Variants in NSMF observed in about 807,000 individuals in gnomAD.
NSMF encodes the protein nasal embryonic LHRH factor.
NSMF carries 31 observed loss-of-function variants against 71.0 expected under a neutral mutation model. The observed-to-expected ratio is 0.44, with a 90% CI of 0.33 to 0.59. The LOEUF (loss-of-function observed/expected upper bound fraction) is 0.59, where lower values mean the gene tolerates loss of function less well. Among genes scored for constraint, NSMF ranks in the 20% least tolerant of loss-of-function variants. NSMF has a pLI of 0.04. For synonymous variants in NSMF, 345 were observed against 287.1 expected (o/e 1.20, Z -2.04); for missense variants, 673 against 740.5 (o/e 0.91, Z 1.06).
At chr9:137,452,986 C>T (rs907863783) in intron 9 of NSMF, 70 bp downstream of exon 9, 1 of 1,605,934 alleles carries the variant, frequency 6.2e-7, no homozygotes, top group Non-Finnish European at 8.5e-7. Flanking sequence ...CCAGGCAGAG[C>T]TGGCTGGACT....
Position 137,457,389 on chromosome 9 carries a change from C to G in NSMF, c.628+18G>C, listed in dbSNP as rs746205008. ...ATGCACCCCCAAACCTGTCTATGCC[C>G]TGACACAAACCCCTCACCAGACACA... On this transcript the variant is annotated intron_variant, in intron 3 of 15. Coordinates refer to ENST00000371475, the MANE Select transcript of NSMF (RefSeq NM_001130969.3). The G allele has an allele frequency of 6.2e-7, 1 of 1,612,882 alleles. No individual in the cohort carries two copies. Among genetic ancestry groups the G allele is most frequent in the Non-Finnish European group, 8.5e-7 (1 of 1,179,984 alleles).
At position 137,452,598 on chromosome 9, in the gene NSMF, C is replaced by G. The variant is rs373282065; in HGVS notation, c.1132-12G>C. ...GCGTGCTCATGGTCCTGGGGACAGA[C>G]ACAGGCCACAAGGCCACATCAAGGC... On this transcript the variant is annotated splice_polypyrimidine_tract_variant and intron_variant, in intron 10 of 15. Coordinates refer to ENST00000371475, the MANE Select transcript of NSMF (RefSeq NM_001130969.3). 4 of 1,612,424 alleles carry G rather than the reference C, an allele frequency of 2.5e-6. No individual in the cohort carries two copies. In the African/African-American group the frequency reaches 5.3e-5, roughly 22 times the overall value.
Position 137,455,268 on chromosome 9 carries a change from C to G in NSMF, c.750G>C (p.Arg250=). Residue 250 remains arginine (R), a synonymous_variant, in exon 6 of 16, where the codon CGG becomes CGC. Transcript: ENST00000371475. ...GGATTACAGACGCGGAATCATTCTC[C>G]CGTTTCCGGCGCTTCCTCTCCGCGT... ...RGYAERKRRK[R]ENDSASVIQR... is the part of the protein sequence containing the mutation. 6.2e-7 allele frequency: 1 copy of G among 1,612,822 alleles called. No individual in the cohort carries two copies. Among genetic ancestry groups the G allele is most frequent in the Non-Finnish European group, 8.5e-7 (1 of 1,179,922 alleles).
In NSMF at chr9:137,452,609, A is replaced by C. The variant is rs745385451; in HGVS notation, c.1132-23T>G. 5 of 1,611,938 alleles carry C rather than the reference A, an allele frequency of 3.1e-6. No homozygotes were observed. The South Asian group carries it at 5.5e-5, about 18-fold the overall frequency. ...GTCCTGGGGACAGACACAGGCCACA[A>C]GGCCACATCAAGGCTGCGTCAGAGC... On this transcript the variant is annotated intron_variant, in intron 10 of 15. Coordinates refer to ENST00000371475, the MANE Select transcript of NSMF (RefSeq NM_001130969.3).
In NSMF at chr9:137,457,446, T is replaced by C; in HGVS notation, c.589A>G (p.Lys197Glu). The C allele has an allele frequency of 6.2e-7, 1 of 1,612,790 alleles. No individual in the cohort carries two copies. The highest frequency in any genetic ancestry group is 8.5e-7 in the Non-Finnish European group (1 of 1,179,964). The part of the protein sequence containing the change: ...PPLPETSGRR[K>E]KLERMYSVDR... Reference sequence around the variant, plus strand: ...ACGCTGTACATCCTCTCCAGCTTCTTGCGGCGACCGGAGGTCTCAGGCAGA... The same window carrying C: ...ACGCTGTACATCCTCTCCAGCTTCTCGCGGCGACCGGAGGTCTCAGGCAGA... The change falls in exon 3 of 16, where the codon AAG becomes GAG. Residue 197 changes from lysine to glutamate, a missense_variant. Around this residue, in one of 2 missense-constraint regions of NSMF, gnomAD observed 471 missense variants for 459.6 expected, o/e 1.02. Coordinates refer to ENST00000371475, the MANE Select transcript of NSMF (RefSeq NM_001130969.3).
chr9:137,457,395 C>CA lies in NSMF; in HGVS notation c.628+11dup. The CA allele has an allele frequency of 6.2e-7, 1 of 1,612,906 alleles. No individual in the cohort carries two copies. Among genetic ancestry groups the CA allele is most frequent in the Middle Eastern group, 1.6e-4 (1 of 6,062 alleles). ...CCCCAAACCTGTCTATGCCCTGACACAAACCCCTCACCAGACACACGGTCA... is the reference window on the plus strand; with the variant it reads ...CCCCAAACCTGTCTATGCCCTGACACAAAACCCCTCACCAGACACACGGTCA... On this transcript the variant is annotated intron_variant, in intron 3 of 15. Transcript: ENST00000371475.
chr9:137,455,673 A>C, intron 4 of NSMF, 39 bp from the exon 5 acceptor site: 1 of 1,550,204 alleles, frequency 6.5e-7, no homozygotes, highest in Non-Finnish European at 8.7e-7. Flanking sequence ...GAGAGAGAAG[A>C]CACAGTGAGC....
chr9:137,454,813 T>G, intron 6 of NSMF: 1 of 1,315,334 alleles, frequency 7.6e-7, no homozygotes, highest in East Asian at 3.4e-5. Flanking sequence ...GCGGGGCTCC[T>G]GTCTGCACCA....
rs780154049 is a variant in NSMF, at chr9:137,449,609, G to C, written c.1485C>G (p.Leu495=). 6.2e-7 allele frequency: 1 copy of C among 1,612,526 alleles called. No homozygotes were observed. The highest frequency in any genetic ancestry group is 1.7e-5 in the Admixed American group (1 of 59,952). Residue 495 remains leucine, a synonymous_variant, in exon 15 of 16, where the codon CTC becomes CTG. Transcript: ENST00000371475. The part of the protein sequence containing the change: ...YRVTFESPLE[L]SAQGKQMIET... ...GCCTGGGTAACTCACCTTGGGCTGA[G>C]AGCTCCAGGGGTGACTCGAAGGTGA...
chr9:137,458,888 G>T (rs1024368693), intron 1 of NSMF, 144 bp downstream of exon 1: 1 of 662,310 alleles, frequency 1.5e-6, no homozygotes, highest in South Asian at 2.5e-5. Flanking sequence ...GGACCAGGAA[G>T]AGGGAGGCGC....
At chr9:137,458,951 G>A in intron 1 of NSMF, 81 bp downstream of exon 1, 2 of 1,112,526 alleles carry the variant, frequency 1.8e-6, no homozygotes, top group East Asian at 3.2e-5. Context: ...GGAGCCCGGG[G>A]AGCACCGCGG....
intron 12 of NSMF, among the ~76,000 whole-genome samples, chr9:137,451,110 T>C (rs1472591365): frequency 4.5e-5 from 2 of 44,608 alleles, no homozygotes; most frequent in Non-Finnish European, 8.0e-5. Context: ...CTGCCACACG[T>C]CTCTTCCCCT....
At chr9:137,452,634 C>T in intron 10 of NSMF, 48 bp from the exon 11 acceptor site, 1 of 1,611,438 alleles carries the variant, frequency 6.2e-7, no homozygotes, top group African/African-American at 1.3e-5. Context: ...TGCGTCAGAG[C>T]CAGCAGCGCC....
rs1157077919 is a variant in NSMF, at chr9:137,447,924, CATACA to C, written c.*1465_*1469del. ...TGCACACACAGTGTGGCGTGAGGGA[CATACA>C]GCCCTCTCCCTGGTGCCCTCAGGCG... is the stretch of plus-strand genomic sequence containing the variant. On this transcript the variant is annotated 3_prime_UTR_variant, in exon 16 of 16. Coordinates refer to ENST00000371475, the MANE Select transcript of NSMF (RefSeq NM_001130969.3). 1 of 152,200 alleles carries C rather than the reference CATACA, an allele frequency of 6.6e-6. No individual in the cohort carries two copies. The highest frequency in any genetic ancestry group is 6.5e-5 in the Admixed American group (1 of 15,286). The allele number at this position is 152,200 out of a possible 1,614,324, so 9.4% of individuals were successfully genotyped here. A position where few individuals can be genotyped will look rare whatever the true frequency, so the allele number is the denominator to read the frequency against.
At chr9:137,450,145 C>T in intron 13 of NSMF, 31 bp downstream of exon 13, 1 of 1,608,048 alleles carries the variant, frequency 6.2e-7, no homozygotes, top group Non-Finnish European at 8.5e-7. Flanking sequence ...GCCTCCAGCC[C>T]TCCCCGCGCC....
chr9:137,455,419 C>T (rs1038787388), intron 5 of NSMF, 112 bp from the exon 6 acceptor site: 10 of 1,292,054 alleles, frequency 7.7e-6, no homozygotes, highest in South Asian at 1.2e-5. Context: ...GCACGGGGCC[C>T]GGCAGAGGAG....
intron 1 of NSMF, 45 bp from the exon 2 acceptor site, chr9:137,458,594 T>C: frequency 6.5e-7 from 1 of 1,539,308 alleles, no homozygotes; most frequent in Non-Finnish European, 8.8e-7. Flanking sequence ...GGCACGACCC[T>C]CCCAAACACC....
Position 137,457,405 on chromosome 9 carries a change from A to G in NSMF, c.628+2T>C, listed in dbSNP as rs113658704. ...GTCTATGCCCTGACACAAACCCCTC[A>G]CCAGACACACGGTCAACGCTGTACA... On this transcript the variant is annotated splice_donor_variant, in intron 3 of 15. Coordinates refer to ENST00000371475, the MANE Select transcript of NSMF (RefSeq NM_001130969.3). LOFTEE classifies it high-confidence loss of function. The G allele has an allele frequency of 6.2e-7, 1 of 1,612,554 alleles. No individual in the cohort carries two copies. The highest frequency in any genetic ancestry group is 8.5e-7 in the Non-Finnish European group (1 of 1,179,878).
At chr9:137,450,282 G>A (rs1382778369) in intron 12 of NSMF, 27 bp from the exon 13 acceptor site, 1 of 1,584,542 alleles carries the variant, frequency 6.3e-7, no homozygotes, top group Non-Finnish European at 8.7e-7. Flanking sequence ...TCAGGCATCT[G>A]CTCCTCCTTC....
Sources: gnomAD v4.1 joint callset for allele counts (sites outside exome capture counted in the v4.1 genomes callset) on GRCh38, gnomAD v4.1.1 for gene constraint, gnomAD v4.1.1 regional missense constraint, MANE v1.5 for transcripts, NCBI Gene and HGNC (gene_info 2026-07-23, HGNC 2026-07-21) for gene names.